The following CLDN16 variants were observed in gnomAD, a reference collection of about 807,000 sequenced individuals.
CLDN16 encodes the protein claudin 16, also known as claudin-16.
CLDN16 carries 13 observed loss-of-function variants against 24.6 expected under a neutral mutation model. That is an observed-to-expected ratio of 0.53 (90% confidence interval 0.34 to 0.84). CLDN16 has a LOEUF of 0.84. Among genes scored for constraint, CLDN16 ranks in the 40% least tolerant of loss-of-function variants. The pLI, the probability that CLDN16 is intolerant of heterozygous loss-of-function variation, is 0.01. For synonymous variants in CLDN16, 116 were observed against 106.7 expected (o/e 1.09, Z -0.54); for missense variants, 298 against 292.7 (o/e 1.02, Z -0.13).
At chr3:190,390,046 A>G (rs915978259) in intron 1 of CLDN16, among the ~76,000 whole-genome samples, 3 of 152,192 alleles carry the variant, frequency 2.0e-5, no homozygotes, top group African/African-American at 7.2e-5. Context: ...GTCTTCTTTC[A>G]TTTTAGTATA....
At chr3:190,409,360 T>A (rs557940081) in intron 4 of CLDN16, among the ~76,000 whole-genome samples, 5 of 152,082 alleles carry the variant, frequency 3.3e-5, no homozygotes, top group Admixed American at 3.3e-4. Context: ...TATGTGTGTC[T>A]ATATATACAA....
chr3:190,356,949 G>A (rs1428473172), intron 1 of CLDN16, among the ~76,000 whole-genome samples: 4 of 151,766 alleles, frequency 2.6e-5, no homozygotes, highest in Non-Finnish European at 5.9e-5. Context: ...CATATAATTC[G>A]CTATGTAGAT....
chr3:190,368,263 G>C (rs971771915), intron 1 of CLDN16, among the ~76,000 whole-genome samples: 7 of 151,938 alleles, frequency 4.6e-5, no homozygotes, highest in African/African-American at 1.7e-4. Flanking sequence ...TCTGTGGGAA[G>C]CCTATGAAGG....
chr3:190,293,128 A>G, the CLDN16 span, among the ~76,000 whole-genome samples: 8 of 152,358 alleles, frequency 5.3e-5, no homozygotes, highest in African/African-American at 1.7e-4. Context: ...GAGGCCTCAG[A>G]AAACGTATAA....
At chr3:190,399,594 G>A (rs1186295222) in intron 1 of CLDN16, among the ~76,000 whole-genome samples, 1 of 152,250 alleles carries the variant, frequency 6.6e-6, no homozygotes, top group Non-Finnish European at 1.5e-5. Flanking sequence ...ACCTAGTGAT[G>A]TTTTGATACA....
intron 1 of CLDN16, among the ~76,000 whole-genome samples, chr3:190,400,348 C>T (rs1224224029): frequency 6.6e-6 from 1 of 152,134 alleles, no homozygotes; most frequent in Middle Eastern, 3.4e-3. Flanking sequence ...AAGCGATGCT[C>T]CTGCCTCCCG....
At chr3:190,407,328 G>T (rs1015449369) in intron 3 of CLDN16, among the ~76,000 whole-genome samples, 3 of 152,014 alleles carry the variant, frequency 2.0e-5, no homozygotes, top group Admixed American at 6.6e-5. Flanking sequence ...CCAGTTATTT[G>T]GGTGTTGGTG....
At chr3:190,380,179 T>C in intron 3 of CLDN16, among the ~76,000 whole-genome samples, 2 of 147,982 alleles carry the variant, frequency 1.4e-5, no homozygotes, top group Non-Finnish European at 3.0e-5. Flanking sequence ...CCTCCCTTCC[T>C]TCCTTTTCTT....
At chr3:190,402,263 TTC>T (rs1343870670) in intron 1 of CLDN16, 72 bp from the exon 2 acceptor site, 2 of 1,152,302 alleles carry the variant, frequency 1.7e-6, no homozygotes, top group African/African-American at 3.0e-5. Context: ...AACCACCAAC[TTC>T]TCTTTTTGAT....
intron 1 of CLDN16, among the ~76,000 whole-genome samples, chr3:190,341,697 T>C (rs1397488034): frequency 6.6e-6 from 1 of 152,182 alleles, no homozygotes; most frequent in Non-Finnish European, 1.5e-5. Context: ...CTTGGATTTC[T>C]CCCCGCAGAA....
intron 1 of CLDN16, among the ~76,000 whole-genome samples, chr3:190,359,428 G>A (rs1386536540): frequency 6.6e-6 from 1 of 152,048 alleles, no homozygotes; most frequent in Non-Finnish European, 1.5e-5. Flanking sequence ...TGAATTAAAT[G>A]AGTGGAATCC....
chr3:190,298,698 A>G, the CLDN16 span, among the ~76,000 whole-genome samples: 2 of 152,150 alleles, frequency 1.3e-5, no homozygotes, highest in African/African-American at 4.8e-5. Context: ...TTGGCCTCCC[A>G]AAGTGCTGGG....
At chr3:190,363,459 A>G (rs1270033829) in intron 1 of CLDN16, among the ~76,000 whole-genome samples, 1 of 149,254 alleles carries the variant, frequency 6.7e-6, no homozygotes, top group Non-Finnish European at 1.5e-5. Flanking sequence ...CACTTCTACA[A>G]ACTGTTTTCT....
At chr3:190,319,491 A>G (rs1055076725), upstream of CLDN16, among the ~76,000 whole-genome samples, 2 of 152,178 alleles carry the variant, frequency 1.3e-5, no homozygotes, top group African/African-American at 4.8e-5. Context: ...TACTGTATAC[A>G]CTATTAGCAC....
chr3:190,360,279 C>T (rs566729184), intron 1 of CLDN16, among the ~76,000 whole-genome samples: 4 of 151,998 alleles, frequency 2.6e-5, no homozygotes, highest in African/African-American at 9.6e-5. Context: ...GATATTCAGC[C>T]CCAGTCCTTC....
chr3:190,364,207 G>A (rs1287720330), intron 1 of CLDN16, among the ~76,000 whole-genome samples: 1 of 151,786 alleles, frequency 6.6e-6, no homozygotes, highest in African/African-American at 2.4e-5. Context: ...CAGTATTGCA[G>A]TGGTATATGG....
chr3:190,300,736 G>A, the CLDN16 span, among the ~76,000 whole-genome samples: 3 of 152,128 alleles, frequency 2.0e-5, no homozygotes, highest in East Asian at 5.8e-4. Flanking sequence ...TAGCCATCAT[G>A]CTTTTGCAAG....
intron 1 of CLDN16, among the ~76,000 whole-genome samples, chr3:190,363,004 C>A (rs1175159590): frequency 6.6e-6 from 1 of 151,856 alleles, no homozygotes; most frequent in African/African-American, 2.4e-5. Context: ...TTTAAAAAAT[C>A]AAATTCAAAA....
intron 1 of CLDN16, among the ~76,000 whole-genome samples, chr3:190,334,333 T>A (rs1178523596): frequency 6.6e-6 from 1 of 152,134 alleles, no homozygotes; most frequent in Non-Finnish European, 1.5e-5. Context: ...GATAAGAAAT[T>A]TGACTGGAGT....
Sources: allele counts gnomAD v4.1 joint callset (sites outside exome capture counted in the v4.1 genomes callset), GRCh38; gene constraint gnomAD v4.1.1; transcripts MANE v1.5; gene names NCBI Gene and HGNC (gene_info 2026-07-23, HGNC 2026-07-21).